Variants in BTBD10 observed in about 807,000 individuals in gnomAD.
The protein encoded by BTBD10 is BTB domain containing 10, also known as BTB/POZ domain-containing protein 10.
In BTBD10, 21 loss-of-function variants were observed where a neutral mutation model predicts 53.2. The ratio of observed to expected loss-of-function variants is 0.39; its 90% CI spans 0.28 to 0.57. The LOEUF is 0.57. Ranked by LOEUF, BTBD10 falls within the 20% of genes least tolerant of loss-of-function variation. The probability of loss-of-function intolerance (pLI) is 0.53; values close to 1 mark genes in which losing one functional copy is unlikely to be tolerated. For synonymous variants in BTBD10, 149 were observed against 192.7 expected, an observed-to-expected ratio of 0.77 and a Z score of 1.88; for missense variants, 360 against 594.7, an observed-to-expected ratio of 0.61 and a Z score of 4.10.
chr11:13,399,075 T>C (rs1177090431), intron 8 of BTBD10, among the ~76,000 whole-genome samples: 2 of 152,222 alleles, frequency 1.3e-5, no homozygotes, highest in Non-Finnish European at 2.9e-5. Context: ...CTGTATTTCC[T>C]GAATTTGAAT....
chr11:13,435,911 G>A (rs7113530), intron 2 of BTBD10, among the ~76,000 whole-genome samples: 118,550 of 152,108 alleles, frequency 0.78, 47,010 homozygotes, highest in Middle Eastern at 0.88. Flanking sequence ...TCAATCCTAA[G>A]TATCAAAAAT....
intron 5 of BTBD10, among the ~76,000 whole-genome samples, chr11:13,416,366 A>G (rs951740619): frequency 4.6e-5 from 7 of 152,060 alleles, no homozygotes; most frequent in African/African-American, 1.7e-4. Flanking sequence ...GCAAAAAACA[A>G]CAACAACAAC....
intron 2 of BTBD10, among the ~76,000 whole-genome samples, chr11:13,422,185 G>A (rs572023812): frequency 1.3e-5 from 2 of 152,288 alleles, no homozygotes; most frequent in African/African-American, 4.8e-5. Flanking sequence ...CTTCATTGTA[G>A]GGGAAGAAGA....
At chr11:13,436,216 G>A (rs1447727336) in intron 2 of BTBD10, among the ~76,000 whole-genome samples, 3 of 152,174 alleles carry the variant, frequency 2.0e-5, no homozygotes, top group Non-Finnish European at 4.4e-5. Context: ...TGACTCTTAG[G>A]CTGTTTTTCC....
intron 2 of BTBD10, among the ~76,000 whole-genome samples, chr11:13,425,164 G>T (rs1950312917): frequency 6.6e-6 from 1 of 152,168 alleles, no homozygotes; most frequent in Non-Finnish European, 1.5e-5. Context: ...ACAGGGTCAG[G>T]AATAGGTCCT....
intron 2 of BTBD10, among the ~76,000 whole-genome samples, chr11:13,428,448 T>C (rs969413099): frequency 2.6e-5 from 4 of 151,986 alleles, no homozygotes; most frequent in African/African-American, 9.7e-5. Flanking sequence ...GAGACCAACA[T>C]TGCCCAGACA....
intron 6 of BTBD10, among the ~76,000 whole-genome samples, chr11:13,408,948 C>G (rs2135785115): frequency 6.6e-6 from 1 of 152,330 alleles, no homozygotes; most frequent in South Asian, 2.1e-4. Flanking sequence ...CAACTCTACA[C>G]TGACTTCTGT....
chr11:13,417,395 G>A, intron 4 of BTBD10, 135 bp from the exon 5 acceptor site: 2 of 581,912 alleles, frequency 3.4e-6, no homozygotes, highest in Admixed American at 3.3e-5. Context: ...AATTTATTCT[G>A]GCAAACATCA....
intron 1 of BTBD10, among the ~76,000 whole-genome samples, chr11:13,447,480 T>A (rs1950771808): frequency 6.6e-6 from 1 of 152,194 alleles, no homozygotes; most frequent in Admixed American, 6.5e-5. Flanking sequence ...TAGCCACAGA[T>A]GTCCACTGAG....
intron 8 of BTBD10, among the ~76,000 whole-genome samples, chr11:13,391,867 C>G (rs986003896): frequency 6.6e-6 from 1 of 152,152 alleles, no homozygotes; most frequent in Non-Finnish European, 1.5e-5. Context: ...TCACTTGAAC[C>G]CAGGAGGCGG....
intron 2 of BTBD10, 88 bp downstream of exon 2, chr11:13,444,936 A>G: frequency 1.1e-6 from 1 of 916,866 alleles, no homozygotes; most frequent in Admixed American, 2.1e-5. Flanking sequence ...ATTCTCTGAC[A>G]GGAATTGCCA....
intron 1 of BTBD10, among the ~76,000 whole-genome samples, chr11:13,450,772 C>G (rs78119052): frequency 1.3e-5 from 2 of 152,130 alleles, no homozygotes; most frequent in African/African-American, 4.8e-5. Context: ...AGAAACTTCT[C>G]GCAAACACAG....
intron 4 of BTBD10, among the ~76,000 whole-genome samples, chr11:13,418,717 A>C (rs749597248): frequency 3.1e-4 from 47 of 152,126 alleles, no homozygotes; most frequent in Admixed American, 7.2e-4. Flanking sequence ...AGTAAAGTAC[A>C]AGTTTTTATC....
At chr11:13,419,432 T>C in intron 4 of BTBD10, 28 bp downstream of exon 4, 1 of 1,595,794 alleles carries the variant, frequency 6.3e-7, no homozygotes, top group African/African-American at 1.4e-5. Flanking sequence ...TTATAATTAG[T>C]AATGCAAATA....
rs530102991 is a variant in BTBD10, at chr11:13,423,405, T to C, written c.102-1567A>G. ...TTCTAAGGTGAATAGGTGAATTAAA[T>C]GAACTATAATAAGTAAGCTGACCAG... On this transcript the variant is annotated intron_variant, in intron 2 of 8. Transcript: ENST00000278174. Among the ~76,000 whole-genome samples the C allele has an allele frequency of 2.8e-4, 42 of 152,294 alleles. No individual in the cohort carries two copies. The Middle Eastern group carries it at 0.014, about 49-fold the overall frequency.
At chr11:13,440,196 T>C in intron 2 of BTBD10, 1 of 1,399,222 alleles carries the variant, frequency 7.1e-7, no homozygotes, top group Non-Finnish European at 9.4e-7. Context: ...CCCCTCTACA[T>C]ATTAATTCAG....
At chr11:13,408,875 T>C (rs909158382) in intron 6 of BTBD10, among the ~76,000 whole-genome samples, 1 of 152,198 alleles carries the variant, frequency 6.6e-6, no homozygotes, top group Non-Finnish European at 1.5e-5. Context: ...TGGTCCATTT[T>C]TAACACAACA....
intron 2 of BTBD10, among the ~76,000 whole-genome samples, chr11:13,434,340 T>A (rs1407174055): frequency 1.3e-5 from 2 of 152,244 alleles, no homozygotes; most frequent in East Asian, 3.9e-4. Context: ...CTTTGAATGG[T>A]CAAAGTAGAA....
chr11:13,424,991 T>C lies in BTBD10; in HGVS notation c.102-3153A>G, dbSNP rs117813863. Among the ~76,000 whole-genome samples, 4 of 152,184 alleles carry C rather than the reference T, an allele frequency of 2.6e-5. No homozygotes were observed. The East Asian group carries it at 7.7e-4, about 29-fold the overall frequency. On this transcript the variant is annotated intron_variant, in intron 2 of 8. Coordinates refer to ENST00000278174, the MANE Select transcript of BTBD10 (RefSeq NM_032320.7). ...GATGGCTAGAGTTCTAAGGGAAAAG[T>C]ACCAGAGAGGAGAGTGTAACACAGA...
Sources: gnomAD v4.1 joint callset for allele counts (sites outside exome capture counted in the v4.1 genomes callset) on GRCh38, gnomAD v4.1.1 for gene constraint, MANE v1.5 for transcripts, NCBI Gene and HGNC (gene_info 2026-07-23, HGNC 2026-07-21) for gene names.